Variants in ZFPM1 observed in about 807,000 individuals in gnomAD.
ZFPM1 encodes zinc finger protein ZFPM1.
Under a neutral mutation model 46.3 loss-of-function variants are expected in ZFPM1, and 28 were observed. The ratio of observed to expected loss-of-function variants is 0.60; its 90% CI spans 0.45 to 0.83. The LOEUF is 0.83. ZFPM1 is among the 40% of genes least tolerant of loss of function. The probability of loss-of-function intolerance (pLI) is 0.00; values close to 1 mark genes in which losing one functional copy is unlikely to be tolerated. For missense variants in ZFPM1, 1,878 were observed against 1,432.4 expected (o/e 1.31, Z -5.02); for synonymous variants, 957 against 675.9 (o/e 1.42, Z -6.45).
rs566431703 is a variant in ZFPM1 at position 88,486,180 on chromosome 16, G to GTTGC, written c.145+137_145+138insTTGC. The GTTGC allele has an allele frequency of 1.4e-4, 125 of 921,574 alleles. No homozygotes were observed. The East Asian group carries it at 2.1e-3, about 15-fold the overall frequency. 57.1% of individuals were successfully genotyped at this position (921,574 alleles called of 1,614,324 possible). A position where few individuals can be genotyped will look rare whatever the true frequency, so the allele number is the denominator to read the frequency against. On this transcript the variant is annotated intron_variant, in intron 2 of 9. Transcript: ENST00000319555. ...AGGAGTCCAGGACAGGCGTCTTCCA[G>GTTGC]CCAGAGGCCTGTTGCCCGGAGGCCC...
intron 1 of ZFPM1, among the ~76,000 whole-genome samples, chr16:88,474,118 G>A (rs923230822): frequency 3.3e-5 from 5 of 152,198 alleles, no homozygotes; most frequent in Non-Finnish European, 7.3e-5. Flanking sequence ...GGCAGGCGGC[G>A]GCTCCGGCTG....
intron 1 of ZFPM1, among the ~76,000 whole-genome samples, chr16:88,472,213 G>A (rs1156585587): frequency 6.6e-6 from 1 of 151,578 alleles, no homozygotes; most frequent in Non-Finnish European, 1.5e-5. Flanking sequence ...GGGCAGGGCA[G>A]GTGCCCACAG....
intron 3 of ZFPM1, among the ~76,000 whole-genome samples, chr16:88,491,017 G>A (rs573256047): frequency 9.9e-5 from 15 of 151,286 alleles, no homozygotes; most frequent in South Asian, 2.1e-4. Flanking sequence ...TGGTGCCTTC[G>A]GGGCTCTCGG....
intron 1 of ZFPM1, among the ~76,000 whole-genome samples, chr16:88,477,039 CG>C (rs1389112712): frequency 6.6e-6 from 1 of 151,580 alleles, no homozygotes; most frequent in African/African-American, 2.4e-5. Flanking sequence ...CATCGCAGAC[CG>C]GGGCCACGCA....
chr16:88,468,194 C>T (rs113752522), intron 1 of ZFPM1, among the ~76,000 whole-genome samples: 12 of 145,654 alleles, frequency 8.2e-5, no homozygotes, highest in Admixed American at 1.4e-4. Context: ...GCGAGCCCAC[C>T]GCCCCTCAAG....
rs1455198851 is a variant in ZFPM1, at chr16:88,480,005, G to A, written c.41-5934G>A. ...TGACAACCTCACATCTGCGCCCAGC[G>A]CCCACTGCCAACACCTGGCTGAGTC... is the stretch of plus-strand genomic sequence containing the variant. On this transcript the variant is annotated intron_variant, in intron 1 of 9. Transcript: ENST00000319555. This position sits in a 1 kb window ranked among gnomAD's most constrained non-coding sequence, Gnocchi z 4.9. Among the ~76,000 whole-genome samples the A allele has an allele frequency of 2.0e-5, 3 of 151,656 alleles. No individual in the cohort carries two copies. Among genetic ancestry groups the A allele is most frequent in the South Asian group, 2.1e-4 (1 of 4,804 alleles).
At chr16:88,453,767 T>C (rs1907401737) in intron 1 of ZFPM1, 89 bp downstream of exon 1, 1 of 804,420 alleles carries the variant, frequency 1.2e-6, no homozygotes, top group Non-Finnish European at 1.5e-6. Context: ...GTCCCCGCTC[T>C]GCCCTGGGCG....
intron 3 of ZFPM1, among the ~76,000 whole-genome samples, chr16:88,499,110 TC>T (rs1910106378): frequency 6.6e-6 from 1 of 151,546 alleles, no homozygotes; most frequent in Non-Finnish European, 1.5e-5. Context: ...CCCCCGTGGC[TC>T]CCCCATGACC....
At chr16:88,532,486 G>A (rs1361477060) in intron 7 of ZFPM1, 128 bp from the exon 8 acceptor site, 8 of 1,031,308 alleles carry the variant, frequency 7.8e-6, no homozygotes, top group East Asian at 2.6e-5. Flanking sequence ...AGGAGGAGGG[G>A]TTTAAAGACC....
In ZFPM1 at chr16:88,477,609, C is replaced by T. The variant is rs545735784; in HGVS notation, c.41-8330C>T. On this transcript the variant is annotated intron_variant, in intron 1 of 9. Transcript: ENST00000319555. ...ACTCAGGAGGCTTAGGCCGGAGGATCGCTTGAGTCTAGGGGTTTGAGGATA... is the reference window on the plus strand; with the variant it reads ...ACTCAGGAGGCTTAGGCCGGAGGATTGCTTGAGTCTAGGGGTTTGAGGATA... Among the ~76,000 whole-genome samples, 3 of 152,276 alleles carry T rather than the reference C, an allele frequency of 2.0e-5. No individual in the cohort carries two copies. The East Asian group carries it at 5.8e-4, about 29-fold the overall frequency.
intron 3 of ZFPM1, among the ~76,000 whole-genome samples, chr16:88,503,330 G>A (rs1910477568): frequency 6.9e-6 from 1 of 144,074 alleles, no homozygotes; most frequent in Non-Finnish European, 1.5e-5. Context: ...CCTGAGTGGA[G>A]GGATCTGTGT....
intron 4 of ZFPM1, among the ~76,000 whole-genome samples, chr16:88,522,397 C>T (rs1268078607): frequency 2.6e-5 from 4 of 152,202 alleles, no homozygotes; most frequent in African/African-American, 9.6e-5. Flanking sequence ...TCCCACCCTC[C>T]CGTGAACCTG....
At chr16:88,506,132 G>A (rs902824248) in intron 3 of ZFPM1, among the ~76,000 whole-genome samples, 1 of 152,194 alleles carries the variant, frequency 6.6e-6, no homozygotes, top group Non-Finnish European at 1.5e-5. Flanking sequence ...GCCCAGCAGA[G>A]GCCAGGCATC....
intron 3 of ZFPM1, among the ~76,000 whole-genome samples, chr16:88,492,338 T>C (rs933848070): frequency 6.6e-6 from 1 of 152,186 alleles, no homozygotes; most frequent in Admixed American, 6.5e-5. Context: ...CCCCAGCCCT[T>C]CTGAACCTGC....
intron 3 of ZFPM1, among the ~76,000 whole-genome samples, chr16:88,505,632 ATCACCATAC>A (rs2142410243): frequency 1.3e-5 from 2 of 152,216 alleles, no homozygotes; most frequent in African/African-American, 4.8e-5. Context: ...GCCCTGAGGC[ATCACCATAC>A]CTGGCATCTA....
intron 4 of ZFPM1, 115 bp downstream of exon 4, chr16:88,514,635 G>A (rs899474138): frequency 8.3e-6 from 11 of 1,332,514 alleles, no homozygotes; most frequent in Non-Finnish European, 1.1e-5. Context: ...TTGAAGATGT[G>A]GGCCTGAGAT....
intron 3 of ZFPM1, among the ~76,000 whole-genome samples, chr16:88,505,381 C>A (rs1314188633): frequency 3.3e-5 from 5 of 152,226 alleles, no homozygotes; most frequent in Non-Finnish European, 7.4e-5. Flanking sequence ...CCTCCAAACA[C>A]AGGCACTCAG....
intron 4 of ZFPM1, chr16:88,516,026 T>A (rs974630291): frequency 2.0e-5 from 8 of 397,800 alleles, no homozygotes; most frequent in Non-Finnish European, 3.5e-5. Flanking sequence ...ATTGGAGGGC[T>A]CTGTGAGTTC....
chr16:88,457,263 G>T (rs560581029), intron 1 of ZFPM1, among the ~76,000 whole-genome samples: 1 of 152,260 alleles, frequency 6.6e-6, no homozygotes, highest in African/African-American at 2.4e-5. Flanking sequence ...CCTTCCATGC[G>T]TGGGAGGCAC....
Sources: allele counts gnomAD v4.1 joint callset (sites outside exome capture counted in the v4.1 genomes callset), GRCh38; gene constraint gnomAD v4.1.1; non-coding constraint Gnocchi (gnomAD v3.1); transcripts MANE v1.5; gene names NCBI Gene and HGNC (gene_info 2026-07-23, HGNC 2026-07-21).